The following MUC6 variants were observed in gnomAD, a reference collection of about 807,000 sequenced individuals.
MUC6 encodes the protein mucin-6.
A neutral mutation model predicts 201.5 loss-of-function variants in MUC6; 188 were observed. That is an observed-to-expected ratio of 0.93 (90% CI 0.83 to 1.05). The LOEUF (loss-of-function observed/expected upper bound fraction) is 1.05, where lower values mean the gene tolerates loss of function less well. Among genes scored for constraint, MUC6 ranks in the 50% least tolerant of loss-of-function variants. The pLI is 0.00. For missense variants in MUC6, 2,706 were observed against 3,256.9 expected, an observed-to-expected ratio of 0.83 and a Z score of 4.12; for synonymous variants, 1,228 against 1,389.4, an observed-to-expected ratio of 0.88 and a Z score of 2.58.
chr11:1,016,674 T>C lies in MUC6; in HGVS notation c.6127A>G (p.Thr2043Ala), dbSNP rs754012957. 5.0e-6 allele frequency: 8 copies of C among 1,613,996 alleles called. No homozygotes were observed. The highest frequency in any genetic ancestry group is 6.8e-6 in the Non-Finnish European group (8 of 1,179,896). Residue 2043 changes from threonine to alanine, a missense_variant, in exon 31 of 33, where the codon ACA (threonine) becomes GCA (alanine). Transcript: ENST00000421673. ...ATSASIHSTP[T>A]GTVPPPTTLK... is the part of the protein sequence containing the mutation. Reference sequence around the variant, plus strand: ...GTTGTTGGTGGAGGAACGGTGCCTGTTGGCGTTGAGTGGATGGAGGCAGAA... The same window carrying C: ...GTTGTTGGTGGAGGAACGGTGCCTGCTGGCGTTGAGTGGATGGAGGCAGAA...
intron 22 of MUC6, 119 bp downstream of exon 22, chr11:1,025,686 C>T: frequency 2.0e-6 from 2 of 994,758 alleles, no homozygotes; most frequent in South Asian, 2.9e-5. Context: ...CAAGGAGAGG[C>T]AGGCGGGGAG....
chr11:1,031,077 C>G, intron 5 of MUC6, 21 bp from the exon 6 acceptor site: 1 of 1,552,716 alleles, frequency 6.4e-7, no homozygotes, highest in Non-Finnish European at 8.7e-7. Context: ...GAATGGGGGT[C>G]AGCACCGTGG....
chr11:1,018,568 C>G lies in MUC6; in HGVS notation c.4233G>C (p.Thr1411=). The part of the protein sequence containing the change: ...QTPHTTHSPP[T]AGSPVPSTGP... ...CTGTGGAAGGGACGGGACTCCCCGC[C>G]GTAGGCGGGGAGTGTGTGGTGTGTG... Residue 1411 remains threonine (T), a synonymous_variant, in exon 31 of 33, where the codon ACG becomes ACC. Transcript: ENST00000421673. 6 of 1,601,256 alleles carry G rather than the reference C, an allele frequency of 3.7e-6. No individual in the cohort carries two copies. The highest frequency in any genetic ancestry group is 5.1e-6 in the Non-Finnish European group (6 of 1,175,276).
Position 1,032,734 on chromosome 11 carries a change from A to G in MUC6, c.115+279T>C, listed in dbSNP as rs1234493161. Among the ~76,000 whole-genome samples the G allele has an allele frequency of 4.8e-5, 7 of 144,886 alleles. No homozygotes were observed. The East Asian group carries it at 1.5e-3, about 31-fold the overall frequency. On this transcript the variant is annotated intron_variant, in intron 2 of 32. Coordinates refer to ENST00000421673, the MANE Select transcript of MUC6 (RefSeq NM_005961.3). The stretch of plus-strand genomic sequence containing the variant: ...GGTTGTGTGTGTTGGGTGTGTGTGC[A>G]TGTGTGTTGGGTTGTGTGTCTGTGT...
Position 1,031,830 on chromosome 11 carries a change from G to A in MUC6, c.339C>T (p.Ile113=). Residue 113 remains isoleucine (I), a synonymous_variant, in exon 3 of 33, where the codon ATC becomes ATT. Coordinates refer to ENST00000421673, the MANE Select transcript of MUC6 (RefSeq NM_005961.3). ...TGACCTACCCGATGTCCTTGACTGA[G>A]ATGATGGCTTCGCTCACAGTGACGA... ...ASVVTVSEAI[I]SVKDIGVISL... 1 of 1,609,664 alleles carries A rather than the reference G, an allele frequency of 6.2e-7. No individual in the cohort carries two copies. The highest frequency in any genetic ancestry group is 8.5e-7 in the Non-Finnish European group (1 of 1,178,748).
chr11:1,026,121 C>A lies in MUC6; in HGVS notation c.2567G>T (p.Trp856Leu). 6.3e-7 allele frequency: 1 copy of A among 1,598,554 alleles called. No individual in the cohort carries two copies. Among genetic ancestry groups the A allele is most frequent in the Non-Finnish European group, 8.5e-7 (1 of 1,173,612 alleles). ...CRTCSCSRGRWACQQGTHCPS... is the reference protein window; with the variant it reads ...CRTCSCSRGRLACQQGTHCPS... ...GCAGTGGGTGCCCTGCTGACAGGCC[C>A]ACCTCCCCCTTGAGCAGGAGCTGTG... is the stretch of plus-strand genomic sequence containing the variant. Residue 856 changes from tryptophan to leucine, a missense_variant, in exon 21 of 33, where the codon TGG (tryptophan) becomes TTG (leucine). Trp to Leu is a moderately conservative substitution (Grantham distance 61). Coordinates refer to ENST00000421673, the MANE Select transcript of MUC6 (RefSeq NM_005961.3).
chr11:1,015,684 T>G (rs1045583012), intron 31 of MUC6, 78 bp downstream of exon 31: 32 of 1,463,338 alleles, frequency 2.2e-5, no homozygotes, highest in Middle Eastern at 2.4e-4. Context: ...CCATGAGGGG[T>G]AAGCTGAGGC....
intron 29 of MUC6, 177 bp downstream of exon 29, chr11:1,019,913 A>G: frequency 1.2e-6 from 1 of 861,632 alleles, no homozygotes; most frequent in Non-Finnish European, 1.9e-6. Flanking sequence ...GCTTGTCTTT[A>G]AAAGTTTTTC....
At position 1,025,861 on chromosome 11, in the gene MUC6, C is replaced by T. The variant is rs201710564; in HGVS notation, c.2743G>A (p.Val915Ile). 1.6e-4 allele frequency: 264 copies of T among 1,612,878 alleles called. No homozygotes were observed. Among genetic ancestry groups the T allele is most frequent in the Admixed American group, 3.0e-4 (18 of 59,978 alleles). ...GTGACCCCGGAGTTCCCACAGATGA[C>T]GTTCTCTGTCAGGATCTTGAAGGTG... The part of the protein sequence containing the change: ...QPTFKILTEN[V>I]ICGNSGVTCS... The change falls in exon 22 of 33, where the codon GTC becomes ATC. Residue 915 changes from valine to isoleucine, a missense_variant. By Grantham distance (29) the Val-to-Ile change is conservative. This residue lies in a region of MUC6 where 1,850 missense variants were observed against 1,958.3 expected (regional missense o/e 0.94). Coordinates refer to ENST00000421673, the MANE Select transcript of MUC6 (RefSeq NM_005961.3).
At chr11:1,013,760 G>A in intron 32 of MUC6, 127 bp from the exon 33 acceptor site, 1 of 1,386,812 alleles carries the variant, frequency 7.2e-7, no homozygotes, top group Non-Finnish European at 9.9e-7. Flanking sequence ...CAGGGGCCAG[G>A]GCGGTGTTGG....
chr11:1,020,064 C>A, intron 29 of MUC6, 26 bp downstream of exon 29: 1 of 1,611,340 alleles, frequency 6.2e-7, no homozygotes, highest in Non-Finnish European at 8.5e-7. Flanking sequence ...CTGCCCTCTC[C>A]ATGGGCTCAG....
intron 29 of MUC6, 98 bp from the exon 30 acceptor site, chr11:1,019,594 T>G (rs1856763071): frequency 2.7e-6 from 3 of 1,128,468 alleles, no homozygotes; most frequent in African/African-American, 1.5e-5. Flanking sequence ...ATCCCTGGCC[T>G]GCTGTCCGGG....
intron 2 of MUC6, among the ~76,000 whole-genome samples, chr11:1,032,567 G>A (rs948693389): frequency 6.6e-6 from 1 of 151,166 alleles, no homozygotes; most frequent in African/African-American, 2.4e-5. Flanking sequence ...TAGGGTGCAT[G>A]TGTGTGTAGG....
Position 1,020,255 on chromosome 11 carries a change from A to G in MUC6, c.3643T>C (p.Ser1215Pro), listed in dbSNP as rs753880872. The change falls in exon 29 of 33, where the codon TCA becomes CCA. Residue 1215 changes from serine (S) to proline (P), a missense_variant and splice_region_variant. Physicochemically the swap from Ser to Pro is moderately conservative, Grantham distance 74. This residue lies in a region of MUC6 where 1,850 missense variants were observed against 1,958.3 expected (regional missense o/e 0.94). Coordinates refer to ENST00000421673, the MANE Select transcript of MUC6 (RefSeq NM_005961.3). ...ATGGGCCAGACTTGCGTGGGCCGTG[A>G]GCCTGGGTGGGCGGACATGCCATCA... ...PTTPQLPTTG[S>P]RPTQVWPMTG... The G allele has an allele frequency of 1.1e-5, 17 of 1,601,296 alleles. No homozygotes were observed. The Admixed American group carries it at 3.0e-4, about 28-fold the overall frequency.
chr11:1,026,622 G>A (rs1856966541), intron 19 of MUC6, 144 bp from the exon 20 acceptor site: 1 of 1,108,020 alleles, frequency 9.0e-7, no homozygotes, highest in Non-Finnish European at 1.2e-6. Context: ...GTGGGCAGCT[G>A]GGCTTACTGC....
At position 1,033,314 on chromosome 11, in the gene MUC6, G is replaced by C; in HGVS notation, c.53-239C>G. ...GTTCACTCCCTCGTTTGTCCACTCA[G>C]TCCCAGTTCAGCCGTCAGCCCCTCG... is the stretch of plus-strand genomic sequence containing the variant. On this transcript the variant is annotated intron_variant, in intron 1 of 32. Coordinates refer to ENST00000421673, the MANE Select transcript of MUC6 (RefSeq NM_005961.3). The surrounding 1 kb of genome is among the most constrained non-coding windows in gnomAD (Gnocchi z 5.6). 7.0e-6 allele frequency: 4 copies of C among 572,194 alleles called. No individual in the cohort carries two copies. The highest frequency in any genetic ancestry group is 6.4e-5 in the South Asian group (3 of 47,110). The allele number at this position is 572,194 out of a possible 1,614,324, so 35.4% of individuals were successfully genotyped here. A position where few individuals can be genotyped will look rare whatever the true frequency, so the allele number is the denominator to read the frequency against.
chr11:1,032,809 T>C (rs1857139621), intron 2 of MUC6, among the ~76,000 whole-genome samples: 1 of 151,156 alleles, frequency 6.6e-6, no homozygotes, highest in African/African-American at 2.4e-5. Context: ...GTCATGTACA[T>C]GTGTATGCGT....
At chr11:1,022,534 G>A (rs1254075793) in intron 26 of MUC6, among the ~76,000 whole-genome samples, 1 of 152,196 alleles carries the variant, frequency 6.6e-6, no homozygotes, top group Non-Finnish European at 1.5e-5. Context: ...CACCCTGTGT[G>A]GCACAGAAGC....
chr11:1,014,781 C>T (rs1283233013), intron 31 of MUC6, among the ~76,000 whole-genome samples: 2 of 152,214 alleles, frequency 1.3e-5, no homozygotes, highest in Non-Finnish European at 2.9e-5. Context: ...CTGCCCGCTG[C>T]AGAGGGCTTT....
Sources: gnomAD v4.1 joint callset for allele counts (sites outside exome capture counted in the v4.1 genomes callset) on GRCh38, gnomAD v4.1.1 for gene constraint, gnomAD v4.1.1 regional missense constraint, Gnocchi (gnomAD v3.1) non-coding constraint, MANE v1.5 for transcripts, NCBI Gene and HGNC (gene_info 2026-07-23, HGNC 2026-07-21) for gene names.